DLC1: variants seen among roughly 807,000 people sequenced by gnomAD.
The protein encoded by DLC1 is rho GTPase-activating protein 7.
DLC1 carries 54 observed loss-of-function variants against 140.3 expected under a neutral mutation model. The ratio of observed to expected loss-of-function variants is 0.38; its 90% CI spans 0.31 to 0.48. The LOEUF (loss-of-function observed/expected upper bound fraction) is 0.48. Ranked by LOEUF, DLC1 falls within the 20% of genes least tolerant of loss-of-function variation. The pLI is 0.96. For missense variants in DLC1, 2,536 were observed against 1,907.0 expected (o/e 1.33, Z -6.14); for synonymous variants, 986 against 728.1 (o/e 1.35, Z -5.70).
chr8:13,241,268 C>G (rs1383329962), intron 5 of DLC1, among the ~76,000 whole-genome samples: 1 of 152,154 alleles, frequency 6.6e-6, no homozygotes, highest in Non-Finnish European at 1.5e-5. Context: ...GAACTGCTTT[C>G]AATTAAGCAT....
intron 5 of DLC1, among the ~76,000 whole-genome samples, chr8:13,221,814 A>G (rs1292309282): frequency 6.9e-6 from 1 of 145,262 alleles, no homozygotes; most frequent in Non-Finnish European, 1.5e-5. Flanking sequence ...TAAAATACAT[A>G]TATTATAAAA....
intron 6 of DLC1, among the ~76,000 whole-genome samples, chr8:13,114,230 C>T (rs1299192947): frequency 5.3e-5 from 8 of 152,148 alleles, no homozygotes; most frequent in Non-Finnish European, 1.2e-4. Context: ...GGCATGGTGG[C>T]ACATGCCCAT....
At position 13,423,453 on chromosome 8, in the gene DLC1, G is replaced by C. The variant is rs776892014; in HGVS notation, c.1024-21834C>G. ...TATAAGCTGATGGGGAGGGATCTTTGCTAGGATGGTATAGTTTCATCTCTC... is the reference window on the plus strand; with the variant it reads ...TATAAGCTGATGGGGAGGGATCTTTCCTAGGATGGTATAGTTTCATCTCTC... On this transcript the variant is annotated intron_variant, in intron 2 of 17. Transcript: ENST00000276297. Among the ~76,000 whole-genome samples, 62 of 152,172 alleles carry C rather than the reference G, an allele frequency of 4.1e-4. 1 individual carries two copies. In the Middle Eastern group the frequency reaches 0.014, roughly 33 times the overall value.
rs540065365 is a variant in DLC1, at chr8:13,084,731, G to A, written c.*1080C>T. 5 of 152,124 alleles carry A rather than the reference G, an allele frequency of 3.3e-5. No individual in the cohort carries two copies. Among genetic ancestry groups the A allele is most frequent in the Admixed American group, 1.3e-4 (2 of 15,270 alleles). The allele number at this position is 152,124 out of a possible 1,614,324, so 9.4% of individuals were successfully genotyped here. A position where few individuals can be genotyped will look rare whatever the true frequency, so the allele number is the denominator to read the frequency against. The stretch of plus-strand genomic sequence containing the variant: ...AACACATGTGGCTTTCAGGAATGCC[G>A]TTAACAACCAAAGGCGGGGAAAAAG... On this transcript the variant is annotated 3_prime_UTR_variant, in exon 18 of 18. Coordinates refer to ENST00000276297, the MANE Select transcript of DLC1 (RefSeq NM_182643.3).
intron 4 of DLC1, among the ~76,000 whole-genome samples, chr8:13,331,125 C>G (rs944105200): frequency 2.6e-5 from 4 of 152,172 alleles, no homozygotes; most frequent in Non-Finnish European, 5.9e-5. Flanking sequence ...TTATTGCAGC[C>G]TTCTAGTAAA....
chr8:13,334,083 G>A lies in DLC1; in HGVS notation c.1315-28781C>T, dbSNP rs181408837. 6.6e-5 allele frequency among the ~76,000 whole-genome samples: 10 copies of A among 152,048 alleles called. No individual in the cohort carries two copies. In the Middle Eastern group the frequency reaches 0.01, roughly 155 times the overall value. ...AAAATAAGGCCATATGGTGGAGAGC[G>A]AGGGATGCTTGGAGAGGGGGTGAGA... On this transcript the variant is annotated intron_variant, in intron 4 of 17. Transcript: ENST00000276297.
intron 5 of DLC1, among the ~76,000 whole-genome samples, chr8:13,261,161 TG>T (rs1178886454): frequency 6.6e-6 from 1 of 152,088 alleles, no homozygotes; most frequent in Non-Finnish European, 1.5e-5. Flanking sequence ...ATGCCAGAAG[TG>T]GATCGCAATT....
At chr8:13,372,882 A>G (rs1835791980) in intron 4 of DLC1, among the ~76,000 whole-genome samples, 1 of 152,194 alleles carries the variant, frequency 6.6e-6, no homozygotes, top group Admixed American at 6.5e-5. Flanking sequence ...GAATATTCCT[A>G]ATAAGGCAAC....
chr8:13,186,156 G>A (rs546249945), intron 5 of DLC1, among the ~76,000 whole-genome samples: 51 of 152,238 alleles, frequency 3.4e-4, no homozygotes, highest in African/African-American at 1.0e-3. Flanking sequence ...AAGTATCTTT[G>A]TGGTGTTCTC....
chr8:13,127,638 C>T (rs1821697743), intron 5 of DLC1, among the ~76,000 whole-genome samples: 1 of 152,228 alleles, frequency 6.6e-6, no homozygotes, highest in Non-Finnish European at 1.5e-5. Flanking sequence ...CAGCACCGTG[C>T]ATGGGCCACA....
intron 4 of DLC1, among the ~76,000 whole-genome samples, chr8:13,329,303 A>T (rs1034258439): frequency 3.9e-5 from 6 of 152,196 alleles, no homozygotes; most frequent in African/African-American, 1.4e-4. Context: ...ACGTCAAGAC[A>T]TACATTCATA....
chr8:13,365,827 A>G (rs912811828), intron 4 of DLC1, among the ~76,000 whole-genome samples: 1 of 152,148 alleles, frequency 6.6e-6, no homozygotes, highest in African/African-American at 2.4e-5. Flanking sequence ...TCTCAGCCCT[A>G]TTCTTAAAAA....
chr8:13,421,359 A>G (rs1042065160), intron 2 of DLC1, among the ~76,000 whole-genome samples: 1 of 152,182 alleles, frequency 6.6e-6, no homozygotes, highest in Non-Finnish European at 1.5e-5. Context: ...TGCACAGAGT[A>G]GGATTCAAAA....
intron 5 of DLC1, among the ~76,000 whole-genome samples, chr8:13,154,810 G>A (rs1430611655): frequency 6.6e-6 from 1 of 151,858 alleles, no homozygotes; most frequent in African/African-American, 2.4e-5. Context: ...AGATGATCAA[G>A]GAAGAAAAAA....
chr8:13,588,198 A>G (rs2117465299), intron 1 of DLC1, among the ~76,000 whole-genome samples: 1 of 152,178 alleles, frequency 6.6e-6, no homozygotes, highest in East Asian at 1.9e-4. Context: ...ACAGATGAAC[A>G]ATGGAAAAAG....
Position 13,218,826 on chromosome 8 carries a change from A to C in DLC1, c.1348+86443T>G, listed in dbSNP as rs570114677. On this transcript the variant is annotated intron_variant, in intron 5 of 17. Transcript: ENST00000276297. ...CATAATTATATTCATAATTATATGA[A>C]TATAACTATATATGAATATAATTAT... 8.6e-3 allele frequency among the ~76,000 whole-genome samples: 1,157 copies of C among 134,222 alleles called. 9 individuals are homozygous for C. Among genetic ancestry groups the C allele is most frequent in the South Asian group, 0.029 (132 of 4,560 alleles). The allele number at this position is 134,222 out of a possible 152,430, so 88.1% of individuals were successfully genotyped here.
At chr8:13,269,725 A>T (rs1428719936) in intron 5 of DLC1, among the ~76,000 whole-genome samples, 176 of 145,920 alleles carry the variant, frequency 1.2e-3, no homozygotes, top group African/African-American at 4.3e-3. Context: ...AAAAAAAAAA[A>T]GACACATTAT....
At chr8:13,450,713 A>G (rs1303138190) in intron 2 of DLC1, among the ~76,000 whole-genome samples, 1 of 152,138 alleles carries the variant, frequency 6.6e-6, no homozygotes, top group Non-Finnish European at 1.5e-5. Context: ...AGCCATCAAC[A>G]TAGTTCTCCA....
At chr8:13,217,718 G>C (rs1022596123) in intron 5 of DLC1, among the ~76,000 whole-genome samples, 2 of 151,756 alleles carry the variant, frequency 1.3e-5, no homozygotes, top group African/African-American at 2.4e-5. Context: ...GGCACCTGTA[G>C]TCCCAGCTAC....
Sources: allele counts gnomAD v4.1 joint callset (sites outside exome capture counted in the v4.1 genomes callset), GRCh38; gene constraint gnomAD v4.1.1; transcripts MANE v1.5; gene names NCBI Gene and HGNC (gene_info 2026-07-23, HGNC 2026-07-21).